STX7: variants seen among roughly 807,000 people sequenced by gnomAD.
STX7 encodes the protein syntaxin-7.
A neutral mutation model predicts 39.6 loss-of-function variants in STX7; 34 were observed. That is an observed-to-expected ratio of 0.86 (90% confidence interval 0.65 to 1.14). STX7 has a LOEUF of 1.14. Among genes scored for constraint, STX7 ranks in the 50% most tolerant of loss-of-function variants. The probability of loss-of-function intolerance (pLI) is 0.00; values close to 1 mark genes in which losing one functional copy is unlikely to be tolerated. For synonymous variants in STX7, 119 were observed against 99.1 expected (o/e 1.20, Z -1.19); for missense variants, 284 against 310.4 (o/e 0.92, Z 0.64).
chr6:132,462,333 G>A (rs1004949271), intron 9 of STX7, among the ~76,000 whole-genome samples: 4 of 152,158 alleles, frequency 2.6e-5, no homozygotes, highest in South Asian at 2.1e-4. Context: ...ATCTCGTCCC[G>A]CTTCGGGAGC....
intron 1 of STX7, among the ~76,000 whole-genome samples, chr6:132,505,760 AAAAAC>A (rs529561725): frequency 0.035 from 5,132 of 144,858 alleles, 124 homozygotes; most frequent in East Asian, 0.14. Flanking sequence ...AAAAAAAAAA[AAAAAC>A]ACAGGTTTTG....
rs1260022215 is a variant in STX7 at position 132,458,731 on chromosome 6, G to A, written c.*2027C>T. The A allele has an allele frequency of 2.0e-5, 3 of 151,964 alleles. No homozygotes were observed. Among genetic ancestry groups the A allele is most frequent in the Non-Finnish European group, 4.4e-5 (3 of 68,012 alleles). The allele number at this position is 151,964 out of a possible 1,614,324, so 9.4% of individuals were successfully genotyped here. A position where few individuals can be genotyped will look rare whatever the true frequency, so the allele number is the denominator to read the frequency against. On this transcript the variant is annotated 3_prime_UTR_variant, in exon 10 of 10. Coordinates refer to ENST00000367941, the MANE Select transcript of STX7 (RefSeq NM_003569.3). ...TTTCTCTAATCAATACTACTCTTAC[G>A]TTCCAAATATTTCATGGGAAATTTT... is the stretch of plus-strand genomic sequence containing the variant.
intron 1 of STX7, among the ~76,000 whole-genome samples, chr6:132,512,673 C>T (rs1737684843): frequency 6.6e-6 from 1 of 152,214 alleles, no homozygotes; most frequent in African/African-American, 2.4e-5. Context: ...CTCTGGCGCC[C>T]TCCCCGGGGT....
chr6:132,479,701 G>A (rs1312554776), intron 2 of STX7, among the ~76,000 whole-genome samples: 2 of 152,166 alleles, frequency 1.3e-5, no homozygotes, highest in African/African-American at 4.8e-5. Context: ...AGACTGACAT[G>A]ACCATGGGTA....
chr6:132,476,703 T>A (rs1774884788), intron 2 of STX7, among the ~76,000 whole-genome samples: 1 of 152,126 alleles, frequency 6.6e-6, no homozygotes, highest in Admixed American at 6.5e-5. Flanking sequence ...ATATATTTTG[T>A]GAGGTTTAGA....
In STX7 at chr6:132,450,424, A is replaced by G. The variant is rs1232503650; in HGVS notation, c.*10334T>C. On this transcript the variant is annotated 3_prime_UTR_variant, in exon 10 of 10. Coordinates refer to ENST00000367941, the MANE Select transcript of STX7 (RefSeq NM_003569.3). ...TATTTATCTGTACTTTCATTCCTAAATTTTTTATGTCTTCTGTTTTTTTCC... is the reference window on the plus strand; with the variant it reads ...TATTTATCTGTACTTTCATTCCTAAGTTTTTTATGTCTTCTGTTTTTTTCC... The G allele has an allele frequency of 6.6e-6, 1 of 151,644 alleles. No homozygotes were observed. The highest frequency in any genetic ancestry group is 2.4e-5 in the African/African-American group (1 of 41,248). 9.4% of individuals were successfully genotyped at this position (151,644 alleles called of 1,614,324 possible). A position where few individuals can be genotyped will look rare whatever the true frequency, so the allele number is the denominator to read the frequency against.
rs555700274 is a variant in STX7 at position 132,463,563 on chromosome 6, CAA to C, written c.693+428_693+429del. Among the ~76,000 whole-genome samples the C allele has an allele frequency of 4.6e-5, 7 of 152,260 alleles. No homozygotes were observed. In the South Asian group the frequency reaches 1.5e-3, roughly 32 times the overall value. On this transcript the variant is annotated intron_variant, in intron 9 of 9. Transcript: ENST00000367941. Reference sequence around the variant, plus strand: ...AATATGATTTCCACAAGACCTGAAGCAATCTCTCTAGGACAAGGAAATTTGCC... The same window carrying C: ...AATATGATTTCCACAAGACCTGAAGCTCTCTCTAGGACAAGGAAATTTGCC...
chr6:132,482,313 T>C (rs1297075533), intron 2 of STX7, among the ~76,000 whole-genome samples: 3 of 152,116 alleles, frequency 2.0e-5, no homozygotes, highest in East Asian at 3.8e-4. Flanking sequence ...TTCCTTTAAA[T>C]TGAGCAGGTC....
chr6:132,503,421 G>A, intron 2 of STX7, 25 bp downstream of exon 2: 1 of 1,588,508 alleles, frequency 6.3e-7, no homozygotes, highest in South Asian at 1.1e-5. Context: ...TACAAATAGT[G>A]AAGTCCATTT....
At chr6:132,472,660 G>A (rs1426556852) in intron 3 of STX7, among the ~76,000 whole-genome samples, 1 of 152,208 alleles carries the variant, frequency 6.6e-6, no homozygotes, top group Non-Finnish European at 1.5e-5. Flanking sequence ...GGAACCTGAA[G>A]GAGAGACTGT....
At chr6:132,482,645 A>G (rs1031808902) in intron 2 of STX7, among the ~76,000 whole-genome samples, 2 of 152,218 alleles carry the variant, frequency 1.3e-5, no homozygotes, top group Non-Finnish European at 2.9e-5. Flanking sequence ...AAAGCAAACA[A>G]AGAAAAAATA....
At chr6:132,472,902 C>A (rs981738069) in intron 3 of STX7, among the ~76,000 whole-genome samples, 1 of 152,142 alleles carries the variant, frequency 6.6e-6, no homozygotes, top group Admixed American at 6.5e-5. Context: ...TCACACCTGT[C>A]ATCCCAACAC....
chr6:132,509,517 A>ATAACATAACATAAC (rs1562343799), intron 1 of STX7, among the ~76,000 whole-genome samples: 2 of 140,816 alleles, frequency 1.4e-5, no homozygotes, highest in East Asian at 4.1e-4. Flanking sequence ...CATAACATAA[A>ATAACATAACATAAC]ATAAAAAAAG....
chr6:132,464,163 T>A, intron 8 of STX7, 88 bp from the exon 9 acceptor site: 1 of 1,261,796 alleles, frequency 7.9e-7, no homozygotes, highest in Non-Finnish European at 1.2e-6. Flanking sequence ...AAGGTAAGAT[T>A]AAATATGGTC....
rs1276871628 is a variant in STX7 at position 132,447,247 on chromosome 6, C to T, written c.*13511G>A. On this transcript the variant is annotated 3_prime_UTR_variant, in exon 10 of 10. Transcript: ENST00000367941. ...CATTGATTAGCTGACTGACATAGAG[C>T]GTTTCTTATCAGTCAACAAAACTAT... The T allele has an allele frequency of 1.3e-5, 2 of 152,042 alleles. No individual in the cohort carries two copies. Among genetic ancestry groups the T allele is most frequent in the East Asian group, 1.9e-4 (1 of 5,184 alleles). 9.4% of individuals were successfully genotyped at this position (152,042 alleles called of 1,614,324 possible).
intron 2 of STX7, among the ~76,000 whole-genome samples, chr6:132,487,959 T>C (rs547972864): frequency 2.0e-5 from 3 of 152,322 alleles, no homozygotes; most frequent in African/African-American, 7.2e-5. Context: ...GGTTGTTTTT[T>C]CTAAATTTCT....
intron 3 of STX7, among the ~76,000 whole-genome samples, chr6:132,474,123 T>C (rs796641463): frequency 1.2e-4 from 18 of 147,946 alleles, no homozygotes; most frequent in African/African-American, 4.5e-4. Flanking sequence ...AGCTACACAG[T>C]AGGCTGAGGT....
intron 2 of STX7, among the ~76,000 whole-genome samples, chr6:132,483,020 C>T (rs1775048779): frequency 6.6e-6 from 1 of 151,974 alleles, no homozygotes; most frequent in Non-Finnish European, 1.5e-5. Context: ...AGAATCTGCC[C>T]TTTACAGGGA....
chr6:132,455,050 T>C lies in STX7; in HGVS notation c.*5708A>G, dbSNP rs1324715110. 6.6e-6 allele frequency: 1 copy of C among 152,062 alleles called. No homozygotes were observed. Among genetic ancestry groups the C allele is most frequent in the Non-Finnish European group, 1.5e-5 (1 of 67,970 alleles). 9.4% of individuals were successfully genotyped at this position (152,062 alleles called of 1,614,324 possible). ...GGTTTGAGATAAGAATGAAATAAAA[T>C]ATATTCCCCATTAAAATCTTGCTTA... is the stretch of plus-strand genomic sequence containing the variant. On this transcript the variant is annotated 3_prime_UTR_variant, in exon 10 of 10. Coordinates refer to ENST00000367941, the MANE Select transcript of STX7 (RefSeq NM_003569.3).
Sources: gnomAD v4.1 joint callset for allele counts (sites outside exome capture counted in the v4.1 genomes callset) on GRCh38, gnomAD v4.1.1 for gene constraint, MANE v1.5 for transcripts, NCBI Gene and HGNC (gene_info 2026-07-23, HGNC 2026-07-21) for gene names.